SEC14L3: variants seen among roughly 807,000 people sequenced by gnomAD.
SEC14L3 encodes the protein SEC14 like lipid binding 3.
A neutral mutation model predicts 57.4 loss-of-function variants in SEC14L3; 56 were observed. The observed-to-expected ratio is 0.97, with a 90% CI of 0.79 to 1.22. SEC14L3 has a LOEUF of 1.22. Ranked by LOEUF, SEC14L3 falls within the 50% of genes most tolerant of loss-of-function variation. The pLI is 0.00. For missense variants in SEC14L3, 485 were observed against 511.7 expected (o/e 0.95, Z 0.50); for synonymous variants, 173 against 194.4 (o/e 0.89, Z 0.92).
chr22:30,455,298 G>C (rs558151355), downstream of SEC14L3, among the ~76,000 whole-genome samples: 1 of 141,886 alleles, frequency 7.0e-6, no homozygotes, highest in Non-Finnish European at 1.5e-5. Context: ...GCCCAGGCTG[G>C]AGTGCAGTGA....
chr22:30,471,502 C>G (rs1333512276), intron 1 of SEC14L3, among the ~76,000 whole-genome samples: 1 of 152,160 alleles, frequency 6.6e-6, no homozygotes, highest in Non-Finnish European at 1.5e-5. Context: ...TGGGCTTTTA[C>G]AGACTGGTCA....
chr22:30,470,221 C>G lies in SEC14L3; in HGVS notation c.165G>C (p.Leu55Phe). 6.2e-7 allele frequency: 1 copy of G among 1,613,994 alleles called. No individual in the cohort carries two copies. Among genetic ancestry groups the G allele is most frequent in the Non-Finnish European group, 8.5e-7 (1 of 1,179,968 alleles). ...AGTGGATAGGTCTCACCTTGCGGAG[C>G]AAAGCCTCCGACTTCTGCAAGTCAA... ...RNFDLQKSEA[L>F]LRKYMEFRKT... is the part of the protein sequence containing the mutation. Residue 55 changes from leucine (L) to phenylalanine (F), a missense_variant, in exon 3 of 12, where the codon TTG becomes TTC. Transcript: ENST00000215812.
chr22:30,461,298 G>A lies in SEC14L3; in HGVS notation c.1081+12C>T. The A allele has an allele frequency of 6.4e-7, 1 of 1,567,534 alleles. No individual in the cohort carries two copies. The highest frequency in any genetic ancestry group is 8.6e-7 in the Non-Finnish European group (1 of 1,156,620). On this transcript the variant is annotated intron_variant, in intron 11 of 11. Transcript: ENST00000215812. The stretch of plus-strand genomic sequence containing the variant: ...GCCTTTCAGAGCCAGGTCCCAGCTG[G>A]GGCAGACTTACAGACGCCGGCCTCT...
chr22:30,459,064 C>G (rs1935171696), downstream of SEC14L3, among the ~76,000 whole-genome samples: 1 of 152,078 alleles, frequency 6.6e-6, no homozygotes. Flanking sequence ...TGCCCCAGGT[C>G]CTGGATCTGC....
At chr22:30,466,298 C>G (rs745577698) in intron 7 of SEC14L3, 36 bp downstream of exon 7, 1 of 1,592,542 alleles carries the variant, frequency 6.3e-7, no homozygotes, top group Non-Finnish European at 8.6e-7. Context: ...GATGAGGAAA[C>G]AGAGGCACAA....
At chr22:30,452,655 T>C (rs1385974098) in intron 12 of SEC14L3, among the ~76,000 whole-genome samples, 2 of 151,968 alleles carry the variant, frequency 1.3e-5, no homozygotes, top group Non-Finnish European at 2.9e-5. Flanking sequence ...GCTGGACTCC[T>C]GTCTCCTTGG....
rs946244101 is a variant in SEC14L3, at chr22:30,460,288, C to T, written c.1082-146G>A. On this transcript the variant is annotated intron_variant, in intron 11 of 11. Coordinates refer to ENST00000215812, the MANE Select transcript of SEC14L3 (RefSeq NM_174975.5). ...GCTCCCACCACGCCTCTTCCCTTCC[C>T]CATGGGAACTGCCAACCCAAGCAGG... is the stretch of plus-strand genomic sequence containing the variant. The T allele has an allele frequency of 2.6e-5, 38 of 1,471,158 alleles. No individual in the cohort carries two copies. In the Admixed American group the frequency reaches 6.8e-4, roughly 26 times the overall value. 91.1% of individuals were successfully genotyped at this position (1,471,158 alleles called of 1,614,324 possible). A position where few individuals can be genotyped will look rare whatever the true frequency, so the allele number is the denominator to read the frequency against.
exon 13 of SEC14L3, chr22:30,448,047 G>T (rs1397917415): frequency 6.6e-6 from 1 of 151,924 alleles, no homozygotes; most frequent in Admixed American, 6.6e-5. Flanking sequence ...TGGGAGAGGG[G>T]GTGGTGGAGC....
intron 11 of SEC14L3, 122 bp from the exon 12 acceptor site, chr22:30,460,264 C>T: frequency 6.6e-7 from 1 of 1,509,990 alleles, no homozygotes; most frequent in East Asian, 2.3e-5. Context: ...CTGGGCCAAG[C>T]TCCCACCACG....
chr22:30,458,032 G>A (rs560542077), downstream of SEC14L3, among the ~76,000 whole-genome samples: 1 of 152,334 alleles, frequency 6.6e-6, no homozygotes, highest in African/African-American at 2.4e-5. Flanking sequence ...TGACTAGCCT[G>A]AGTCAGACCT....
Position 30,471,994 on chromosome 22 carries a change from T to C in SEC14L3, c.-36A>G, listed in dbSNP as rs200062910. The C allele has an allele frequency of 1.6e-4, 253 of 1,564,038 alleles. 1 individual carries two copies. The highest frequency in any genetic ancestry group is 2.8e-4 in the South Asian group (24 of 84,506). On this transcript the variant is annotated 5_prime_UTR_variant, in exon 1 of 12. Transcript: ENST00000215812. Reference sequence around the variant, plus strand: ...GGGGCTTGAGGAGTGGTGGCCACTATAGGCAAGAGGCCAAGCCTAGTTTGT... The same window carrying C: ...GGGGCTTGAGGAGTGGTGGCCACTACAGGCAAGAGGCCAAGCCTAGTTTGT...
At chr22:30,465,342 C>A (rs1935384284) in intron 7 of SEC14L3, among the ~76,000 whole-genome samples, 1 of 152,230 alleles carries the variant, frequency 6.6e-6, no homozygotes, top group South Asian at 2.1e-4. Context: ...GCCAATGGAA[C>A]AGCCAGATAA....
At chr22:30,461,719 T>A (rs1935273635) in intron 9 of SEC14L3, 25 bp from the exon 10 acceptor site, 2 of 1,602,428 alleles carry the variant, frequency 1.2e-6, no homozygotes, top group East Asian at 4.5e-5. Flanking sequence ...TGAGATGGGC[T>A]TGCTTCCGTC....
At position 30,459,508 on chromosome 22, in the gene SEC14L3, G is replaced by A. The variant is rs1158606783; in HGVS notation, c.*513C>T. 1.0e-6 allele frequency: 1 copy of A among 985,910 alleles called. No individual in the cohort carries two copies. Among genetic ancestry groups the A allele is most frequent in the Non-Finnish European group, 1.2e-6 (1 of 830,288 alleles). 61.1% of individuals were successfully genotyped at this position (985,910 alleles called of 1,614,324 possible). A position where few individuals can be genotyped will look rare whatever the true frequency, so the allele number is the denominator to read the frequency against. Reference sequence around the variant, plus strand: ...CACCACACATCTGCTCCTGTCCAAGGTGCTGAAATCCACCCCACATAGGCT... The same window carrying A: ...CACCACACATCTGCTCCTGTCCAAGATGCTGAAATCCACCCCACATAGGCT... On this transcript the variant is annotated 3_prime_UTR_variant, in exon 12 of 12. Coordinates refer to ENST00000215812, the MANE Select transcript of SEC14L3 (RefSeq NM_174975.5).
At chr22:30,471,659 AGGCTTGACTTGGGTG>A (rs1286334664) in intron 1 of SEC14L3, among the ~76,000 whole-genome samples, 1 of 152,176 alleles carries the variant, frequency 6.6e-6, no homozygotes, top group African/African-American at 2.4e-5. Flanking sequence ...AGAAGAAGTC[AGGCTTGACTTGGGTG>A]GGCACCACCC....
rs867937258 is a variant in SEC14L3 at position 30,452,721 on chromosome 22, T to C, written c.905-3477A>G. Among the ~76,000 whole-genome samples, 16 of 145,654 alleles carry C rather than the reference T, an allele frequency of 1.1e-4. 1 individual carries two copies. In the Middle Eastern group the frequency reaches 0.017, roughly 159 times the overall value. ...TTCCTCTTTCTTTCTTTCTTTCTTTTTTTTTTTTTTTTGACAGGTTCTCAC... is the reference window on the plus strand; with the variant it reads ...TTCCTCTTTCTTTCTTTCTTTCTTTCTTTTTTTTTTTTGACAGGTTCTCAC... On this transcript the variant is annotated intron_variant, in intron 12 of 12. Transcript: ENST00000403066.
downstream of SEC14L3, among the ~76,000 whole-genome samples, chr22:30,455,146 ATATAT>A (rs1337861361): frequency 2.3e-4 from 2 of 8,562 alleles, no homozygotes; most frequent in Non-Finnish European, 7.9e-4. Context: ...AATATTTAAT[ATATAT>A]TATATTTAAT....
downstream of SEC14L3, among the ~76,000 whole-genome samples, chr22:30,455,371 C>T (rs1273328545): frequency 6.7e-6 from 1 of 149,344 alleles, no homozygotes; most frequent in Non-Finnish European, 1.5e-5. Context: ...GCCTCAGTCT[C>T]CTAGGTAGCT....
At chr22:30,454,781 ATATATTATATATTATTG>A (rs1935064507), downstream of SEC14L3, among the ~76,000 whole-genome samples, 1 of 77,590 alleles carries the variant, frequency 1.3e-5, no homozygotes, top group South Asian at 4.0e-4. Context: ...ATATATTATT[ATATATTATATATTATTG>A]TATATTATAT....
Sources: gnomAD v4.1 joint callset for allele counts (sites outside exome capture counted in the v4.1 genomes callset) on GRCh38, gnomAD v4.1.1 for gene constraint, MANE v1.5 for transcripts, NCBI Gene and HGNC (gene_info 2026-07-23, HGNC 2026-07-21) for gene names.